The following TBL1X variants were observed in gnomAD, a reference collection of about 807,000 sequenced individuals.
TBL1X encodes the protein transducin beta like 1 X-linked, also known as F-box-like/WD repeat-containing protein TBL1X.
A neutral mutation model predicts 50.7 loss-of-function variants in TBL1X; 10 were observed. The ratio of observed to expected loss-of-function variants is 0.20; its 90% CI spans 0.12 to 0.33. TBL1X has a LOEUF of 0.33. Ranked by LOEUF, TBL1X falls within the 10% of genes least tolerant of loss-of-function variation. The pLI is 1.00. For synonymous variants in TBL1X, 190 were observed against 214.7 expected, an observed-to-expected ratio of 0.88 and a Z score of 1.01; for missense variants, 340 against 504.4, an observed-to-expected ratio of 0.67 and a Z score of 3.12.
chrX:9,463,614 G>A (rs1569197604), upstream of TBL1X, among the ~76,000 whole-genome samples: 2 of 112,549 alleles, frequency 1.8e-5, no homozygotes, highest in South Asian at 7.2e-4. Flanking sequence ...ACCTCCGGCC[G>A]GGCACGGTGG....
At chrX:9,549,967 G>A (rs918398771) in intron 2 of TBL1X, among the ~76,000 whole-genome samples, 1 of 111,723 alleles carries the variant, frequency 9.0e-6, no homozygotes, top group East Asian at 2.8e-4. Flanking sequence ...GGATGCTTTC[G>A]TGACACCCAG....
intron 2 of TBL1X, among the ~76,000 whole-genome samples, chrX:9,530,020 C>T (rs1378913217): frequency 9.0e-6 from 1 of 111,328 alleles, no homozygotes; most frequent in African/African-American, 3.3e-5. Context: ...TAGAAATACG[C>T]TGAGTGGTGG....
chrX:9,546,538 C>T (rs934751226), intron 2 of TBL1X, among the ~76,000 whole-genome samples: 1 of 110,571 alleles, frequency 9.0e-6, no homozygotes, highest in Non-Finnish European at 1.9e-5. Context: ...AACAAAAAAA[C>T]CCCCAAAAAA....
rs191822768 is a variant in TBL1X, at chrX:9,671,370, C to T, written c.212-12673C>T. Among the ~76,000 whole-genome samples, 5 of 112,535 alleles carry T rather than the reference C, an allele frequency of 4.4e-5. No individual in the cohort carries two copies. In the East Asian group the frequency reaches 1.1e-3, roughly 25 times the overall value. On this transcript the variant is annotated intron_variant, in intron 5 of 17. Transcript: ENST00000645353. Reference sequence around the variant, plus strand: ...CCAGGGAAGCTCACCTGAACCTTGGCGCTCAGGGTTTTTATTTGGGGGCCA... The same window carrying T: ...CCAGGGAAGCTCACCTGAACCTTGGTGCTCAGGGTTTTTATTTGGGGGCCA...
At chrX:9,658,333 C>A (rs1341961834) in intron 5 of TBL1X, among the ~76,000 whole-genome samples, 1 of 111,163 alleles carries the variant, frequency 9.0e-6, no homozygotes, top group African/African-American at 3.3e-5. Flanking sequence ...TTAAGAATCA[C>A]ATGGTGGCCA....
chrX:9,587,605 T>A (rs766503242), intron 2 of TBL1X, among the ~76,000 whole-genome samples: 3 of 111,416 alleles, frequency 2.7e-5, no homozygotes, highest in Non-Finnish European at 5.7e-5. Flanking sequence ...ACCACAGACA[T>A]CAAGATAAAT....
chrX:9,703,250 TCACCAGAGAAGGGAAGGGAAGAGA>T (rs2083185971), intron 12 of TBL1X, among the ~76,000 whole-genome samples: 1 of 91,120 alleles, frequency 1.1e-5, no homozygotes, highest in Non-Finnish European at 2.3e-5. Flanking sequence ...AGGGAAGAGA[TCACCAGAGAAGGGAAGGGAAGAGA>T]TCACCAGAGA....
intron 2 of TBL1X, among the ~76,000 whole-genome samples, chrX:9,558,258 C>T (rs1389624583): frequency 8.9e-6 from 1 of 112,448 alleles, no homozygotes; most frequent in East Asian, 2.8e-4. Flanking sequence ...TGGCTCACAC[C>T]TGTAATCCCA....
chrX:9,522,454 G>A (rs921739132), intron 2 of TBL1X, among the ~76,000 whole-genome samples: 3 of 111,253 alleles, frequency 2.7e-5, no homozygotes, highest in African/African-American at 9.8e-5. Flanking sequence ...TTCTGGAAGC[G>A]AAACCTGCAG....
At chrX:9,618,693 TAAATA>T (rs886524965) in intron 2 of TBL1X, among the ~76,000 whole-genome samples, 2 of 112,095 alleles carry the variant, frequency 1.8e-5, no homozygotes, top group African/African-American at 6.5e-5. Context: ...TAATAATAAA[TAAATA>T]AAATAGAATT....
chrX:9,598,914 T>TTG (rs2082539663), intron 2 of TBL1X, among the ~76,000 whole-genome samples: 1 of 98,342 alleles, frequency 1.0e-5, no homozygotes, highest in African/African-American at 3.9e-5. Context: ...CTACCTTTTT[T>TTG]TTTTGTTTTG....
chrX:9,605,922 G>A (rs1396069986), intron 2 of TBL1X, among the ~76,000 whole-genome samples: 1 of 112,364 alleles, frequency 8.9e-6, no homozygotes, highest in Non-Finnish European at 1.9e-5. Flanking sequence ...CCTTGTATCA[G>A]TTATCTGTTG....
intron 13 of TBL1X, among the ~76,000 whole-genome samples, chrX:9,707,080 C>T (rs1273436378): frequency 6.3e-5 from 7 of 111,788 alleles, no homozygotes; most frequent in Non-Finnish European, 1.3e-4. Flanking sequence ...GCCTTTCTCT[C>T]ACCAGCACCC....
intron 2 of TBL1X, among the ~76,000 whole-genome samples, chrX:9,627,567 G>T (rs2082698942): frequency 8.9e-6 from 1 of 112,367 alleles, no homozygotes; most frequent in Non-Finnish European, 1.9e-5. Context: ...AAGTGTTAAA[G>T]AGTAACAAGA....
Position 9,684,163 on chromosome X carries a change from T to G in TBL1X, c.332T>G (p.Val111Gly). 1 of 1,211,744 alleles carries G rather than the reference T, an allele frequency of 8.3e-7. No homozygotes were observed. The highest frequency in any genetic ancestry group is 1.1e-6 in the Non-Finnish European group (1 of 895,490). The change falls in exon 6 of 18, where the codon GTA becomes GGA. Residue 111 changes from valine (V) to glycine (G), a missense_variant. Val to Gly is a moderately radical substitution (Grantham distance 109, BLOSUM62 -3). This residue lies in a region of TBL1X where 24 missense variants were observed against 44.1 expected (regional missense o/e 0.54). Coordinates refer to ENST00000645353, the MANE Select transcript of TBL1X (RefSeq NM_005647.4). Reference protein sequence around the residue: ...ISILQKGLQYVEAEISINEDG... With the variant: ...ISILQKGLQYGEAEISINEDG... The stretch of plus-strand genomic sequence containing the variant: ...ATTCTCCAGAAGGGCCTGCAGTATG[T>G]AGAGGCCGAGATCAGTATCAACGAG...
At chrX:9,498,220 G>A (rs1473417989) in intron 1 of TBL1X, among the ~76,000 whole-genome samples, 1 of 111,967 alleles carries the variant, frequency 8.9e-6, no homozygotes, top group East Asian at 2.8e-4. Context: ...TAATCAGTGT[G>A]TTGTGAGAAC....
chrX:9,543,182 G>A (rs1285323318), intron 2 of TBL1X, among the ~76,000 whole-genome samples: 3 of 111,830 alleles, frequency 2.7e-5, no homozygotes, highest in Non-Finnish European at 5.6e-5. Flanking sequence ...CTGGGATTCT[G>A]GCCGCCTGTG....
intron 2 of TBL1X, among the ~76,000 whole-genome samples, chrX:9,507,946 G>A (rs2082034444): frequency 8.9e-6 from 1 of 112,167 alleles, no homozygotes; most frequent in African/African-American, 3.2e-5. Flanking sequence ...ATTAATTCAA[G>A]ATAGATTAAA....
intron 2 of TBL1X, among the ~76,000 whole-genome samples, chrX:9,512,500 T>A (rs1601724757): frequency 1.2e-5 from 1 of 86,247 alleles, no homozygotes; most frequent in African/African-American, 4.1e-5. Flanking sequence ...CTATGTACGT[T>A]TTTTTGTTTT....
Sources: gnomAD v4.1 joint callset for allele counts (sites outside exome capture counted in the v4.1 genomes callset) on GRCh38, gnomAD v4.1.1 for gene constraint, gnomAD v4.1.1 regional missense constraint, MANE v1.5 for transcripts, NCBI Gene and HGNC (gene_info 2026-07-23, HGNC 2026-07-21) for gene names.